SLC4A4: variants seen among roughly 807,000 people sequenced by gnomAD.
The protein encoded by SLC4A4 is electrogenic sodium bicarbonate cotransporter 1.
In SLC4A4, 27 loss-of-function variants were observed where a neutral mutation model predicts 111.5. That is an observed-to-expected ratio of 0.24 (90% CI 0.18 to 0.33). The LOEUF is 0.33. Among genes scored for constraint, SLC4A4 ranks in the 10% least tolerant of loss-of-function variants. The pLI is 1.00. For missense variants in SLC4A4, 909 were observed against 1,315.5 expected, an observed-to-expected ratio of 0.69 and a Z score of 4.78; for synonymous variants, 443 against 463.4, an observed-to-expected ratio of 0.96 and a Z score of 0.57.
chr4:71,409,242 A>G (rs1043853416), intron 7 of SLC4A4, among the ~76,000 whole-genome samples: 14 of 152,248 alleles, frequency 9.2e-5, no homozygotes, highest in Non-Finnish European at 5.9e-5. Context: ...GAACTGGGTA[A>G]CAGGCAGAGG....
chr4:71,304,820 A>C (rs533823488), intron 3 of SLC4A4, among the ~76,000 whole-genome samples: 1 of 152,294 alleles, frequency 6.6e-6, no homozygotes, highest in African/African-American at 2.4e-5. Context: ...GTCTTAGAGG[A>C]GTCTTAATCT....
chr4:71,109,588 G>C (rs1487350417), intron 2 of SLC4A4, among the ~76,000 whole-genome samples: 1 of 151,280 alleles, frequency 6.6e-6, no homozygotes, highest in East Asian at 1.9e-4. Context: ...TGTCACCCAG[G>C]CCAGAGTACG....
intron 5 of SLC4A4, among the ~76,000 whole-genome samples, chr4:71,353,187 C>T (rs1399859088): frequency 2.0e-5 from 3 of 152,282 alleles, no homozygotes; most frequent in South Asian, 2.1e-4. Context: ...TTATTATCAG[C>T]TGTGAACTTT....
At position 71,571,725 on chromosome 4, in the gene SLC4A4, A is replaced by C. The variant is rs1297227242; in HGVS notation, c.*3974A>C. 6.6e-6 allele frequency: 1 copy of C among 152,246 alleles called. No individual in the cohort carries two copies. Among genetic ancestry groups the C allele is most frequent in the East Asian group, 1.9e-4 (1 of 5,142 alleles). 9.4% of individuals were successfully genotyped at this position (152,246 alleles called of 1,614,324 possible). A position where few individuals can be genotyped will look rare whatever the true frequency, so the allele number is the denominator to read the frequency against. On this transcript the variant is annotated 3_prime_UTR_variant, in exon 26 of 26. Coordinates refer to ENST00000264485, the MANE Select transcript of SLC4A4 (RefSeq NM_001098484.3). The stretch of plus-strand genomic sequence containing the variant: ...TAGTTGCCTCTTTTTAGCCATTTTC[A>C]TGGCTGGTACATATTCGTACGCATT...
intron 2 of SLC4A4, among the ~76,000 whole-genome samples, chr4:71,115,216 T>G: frequency 6.9e-6 from 1 of 145,586 alleles, no homozygotes; most frequent in South Asian, 2.3e-4. Context: ...GGGATAGCAT[T>G]GGGAGATATA....
chr4:71,434,734 A>C (rs1723964640), intron 7 of SLC4A4: 2 of 152,160 alleles, frequency 1.3e-5, no homozygotes, highest in Admixed American at 6.5e-5. Flanking sequence ...TCAGGATACA[A>C]AATCAATGTG....
chr4:71,144,572 C>T (rs1318033820), intron 2 of SLC4A4, among the ~76,000 whole-genome samples: 1 of 151,642 alleles, frequency 6.6e-6, no homozygotes, highest in Non-Finnish European at 1.5e-5. Flanking sequence ...ATTCTTCCTA[C>T]CCATGAGCAT....
intron 3 of SLC4A4, among the ~76,000 whole-genome samples, chr4:71,326,861 A>G (rs1441710306): frequency 6.6e-6 from 1 of 152,072 alleles, no homozygotes; most frequent in Non-Finnish European, 1.5e-5. Flanking sequence ...ATATCTACCT[A>G]CAAACTTTTG....
intron 3 of SLC4A4, among the ~76,000 whole-genome samples, chr4:71,263,058 A>C (rs1379304326): frequency 5.8e-5 from 7 of 120,714 alleles, no homozygotes; most frequent in African/African-American, 9.8e-5. Flanking sequence ...GTTCCCCTTC[A>C]TGTGTCCATG....
intron 3 of SLC4A4, among the ~76,000 whole-genome samples, chr4:71,286,225 G>A (rs1288001514): frequency 6.6e-6 from 1 of 152,062 alleles, no homozygotes; most frequent in East Asian, 1.9e-4. Context: ...GGGTGACAGA[G>A]CGAGACTCCA....
intron 1 of SLC4A4, among the ~76,000 whole-genome samples, chr4:71,232,258 A>C (rs1346686577): frequency 1.3e-5 from 2 of 152,208 alleles, no homozygotes; most frequent in Non-Finnish European, 2.9e-5. Flanking sequence ...CAAGGAATGC[A>C]CCAATCATTA....
At chr4:71,228,514 GT>G (rs1411973080) in intron 1 of SLC4A4, among the ~76,000 whole-genome samples, 1 of 152,178 alleles carries the variant, frequency 6.6e-6, no homozygotes, top group Non-Finnish European at 1.5e-5. Context: ...AACTTCTGAA[GT>G]GGTATAAGCT....
chr4:71,443,506 G>A (rs900242292), intron 8 of SLC4A4, among the ~76,000 whole-genome samples: 2 of 152,102 alleles, frequency 1.3e-5, no homozygotes, highest in African/African-American at 4.8e-5. Flanking sequence ...CCATTTTGCA[G>A]TTGAGAGATG....
chr4:71,385,002 A>G (rs901642305), intron 6 of SLC4A4, among the ~76,000 whole-genome samples: 5 of 151,414 alleles, frequency 3.3e-5, no homozygotes, highest in African/African-American at 4.9e-5. Context: ...CGTTCTGCAC[A>G]TGTACCCCAG....
intron 7 of SLC4A4, among the ~76,000 whole-genome samples, chr4:71,438,172 G>T (rs1225787893): frequency 6.6e-6 from 1 of 152,154 alleles, no homozygotes; most frequent in Non-Finnish European, 1.5e-5. Context: ...GATCATTAAG[G>T]CCAAAAGTAA....
At position 71,116,665 on chromosome 4, in the gene SLC4A4, C is replaced by T. The variant is rs141590590; in HGVS notation, c.-2+23873C>T. Among the ~76,000 whole-genome samples, 1,275 of 152,238 alleles carry T rather than the reference C, an allele frequency of 8.4e-3. 6 individuals are homozygous for T. The highest frequency in any genetic ancestry group is 0.013 in the African/African-American group (522 of 41,540). On this transcript the variant is annotated intron_variant, in intron 2 of 26. Transcript: ENST00000649996. The stretch of plus-strand genomic sequence containing the variant: ...GTGTGTATTAAGAATGCCTGTTGGC[C>T]GGACGTGGTGGCTCACGCCTGTAAT...
intron 7 of SLC4A4, among the ~76,000 whole-genome samples, chr4:71,414,209 A>G (rs1721642469): frequency 6.6e-6 from 1 of 152,224 alleles, no homozygotes. Flanking sequence ...CTTAAGAACC[A>G]TTGCTCTGTG....
intron 2 of SLC4A4, among the ~76,000 whole-genome samples, chr4:71,117,832 A>G (rs540748242): frequency 6.6e-6 from 1 of 151,468 alleles, no homozygotes; most frequent in African/African-American, 2.4e-5. Context: ...TCTTTGTCCT[A>G]TGCAAAATCC....
intron 2 of SLC4A4, among the ~76,000 whole-genome samples, chr4:71,108,146 T>C (rs1742995010): frequency 6.6e-6 from 1 of 152,216 alleles, no homozygotes; most frequent in South Asian, 2.1e-4. Context: ...ATAATTTCTT[T>C]TAAAAATGAA....
Sources: allele counts gnomAD v4.1 joint callset (sites outside exome capture counted in the v4.1 genomes callset), GRCh38; gene constraint gnomAD v4.1.1; transcripts MANE v1.5; gene names NCBI Gene and HGNC (gene_info 2026-07-23, HGNC 2026-07-21).